Variants in MTMR3 observed in about 807,000 individuals in gnomAD.
MTMR3 encodes phosphatidylinositol-3,5-bisphosphate 3-phosphatase MTMR3.
MTMR3 carries 32 observed loss-of-function variants against 132.4 expected under a neutral mutation model. The observed-to-expected ratio is 0.24, with a 90% CI of 0.18 to 0.32. MTMR3 has a LOEUF of 0.32. MTMR3 is among the 10% of genes least tolerant of loss of function. MTMR3 has a pLI of 1.00. For missense variants in MTMR3, 1,216 were observed against 1,489.6 expected (o/e 0.82, Z 3.02); for synonymous variants, 556 against 550.3 (o/e 1.01, Z -0.14).
chr22:29,916,028 A>G (rs2065301318), intron 1 of MTMR3, among the ~76,000 whole-genome samples: 1 of 151,444 alleles, frequency 6.6e-6, no homozygotes, highest in African/African-American at 2.4e-5. Context: ...TTATGTCTCC[A>G]TTTTCCTATC....
At chr22:29,975,019 A>G (rs1269331138) in intron 3 of MTMR3, among the ~76,000 whole-genome samples, 1 of 151,950 alleles carries the variant, frequency 6.6e-6, no homozygotes, top group Non-Finnish European at 1.5e-5. Flanking sequence ...CGGGTTGGAG[A>G]GCAGTGGTGC....
Position 30,020,084 on chromosome 22 carries a change from G to A in MTMR3, c.2425G>A (p.Val809Ile). The A allele has an allele frequency of 5.6e-6, 9 of 1,614,218 alleles. No homozygotes were observed. Among genetic ancestry groups the A allele is most frequent in the Non-Finnish European group, 6.8e-6 (8 of 1,180,022 alleles). Reference protein sequence around the residue: ...EEIAEGREEAVLPIPVDAKVG... With the variant: ...EEIAEGREEAILPIPVDAKVG... The stretch of plus-strand genomic sequence containing the variant: ...GATTGCAGAGGGTAGGGAGGAAGCA[G>A]TTCTTCCAATCCCAGTAGATGCAAA... The change falls in exon 17 of 20, where the codon GTT (valine) becomes ATT (isoleucine). Residue 809 changes from valine to isoleucine, a missense_variant. By Grantham distance (29) the Val-to-Ile change is conservative (BLOSUM62 3). Around this residue, in one of 7 missense-constraint regions of MTMR3, gnomAD observed 852 missense variants for 852.0 expected, o/e 1.00. Transcript: ENST00000401950.
chr22:30,008,112 T>C, intron 11 of MTMR3, 80 bp downstream of exon 11: 1 of 1,552,412 alleles, frequency 6.4e-7, no homozygotes, highest in South Asian at 1.2e-5. Context: ...AGTTCCCAAT[T>C]TGAAATAAGT....
At position 30,029,673 on chromosome 22, in the gene MTMR3, A is replaced by C. The variant is rs1184640105; in HGVS notation, c.*3872A>C. 6.6e-6 allele frequency: 1 copy of C among 152,382 alleles called. No individual in the cohort carries two copies. The highest frequency in any genetic ancestry group is 1.5e-5 in the Non-Finnish European group (1 of 68,048). The allele number at this position is 152,382 out of a possible 1,614,324, so 9.4% of individuals were successfully genotyped here. On this transcript the variant is annotated 3_prime_UTR_variant, in exon 20 of 20. Transcript: ENST00000401950. ...TTTGAAGGTGCTGTTGCAGGATTTC[A>C]TTTAGCTGCTGCCAGTTCAAGTGAC... is the stretch of plus-strand genomic sequence containing the variant.
At chr22:29,894,360 C>T (rs1163835534) in intron 1 of MTMR3, among the ~76,000 whole-genome samples, 1 of 152,118 alleles carries the variant, frequency 6.6e-6, no homozygotes, top group Non-Finnish European at 1.5e-5. Flanking sequence ...GATTTGATCA[C>T]AATTAAACCC....
At chr22:29,953,764 C>A (rs1302300509) in intron 1 of MTMR3, among the ~76,000 whole-genome samples, 1 of 152,166 alleles carries the variant, frequency 6.6e-6, no homozygotes, top group Non-Finnish European at 1.5e-5. Flanking sequence ...TTATACCCCT[C>A]TTGGAGATGG....
chr22:29,945,279 A>G (rs112278976), intron 1 of MTMR3, among the ~76,000 whole-genome samples: 6,602 of 152,288 alleles, frequency 0.043, 480 homozygotes, highest in African/African-American at 0.15. Context: ...TGGTGGAATT[A>G]CAGTTGTGAG....
intron 7 of MTMR3, chr22:29,994,038 C>T: frequency 2.3e-6 from 2 of 853,280 alleles, no homozygotes; most frequent in Non-Finnish European, 2.8e-6. Flanking sequence ...CATTCATGCT[C>T]TTCCTGCCCA....
chr22:30,019,454 A>G (rs762698919), intron 16 of MTMR3, 26 bp from the exon 17 acceptor site: 2 of 1,568,148 alleles, frequency 1.3e-6, no homozygotes, highest in African/African-American at 1.4e-5. Flanking sequence ...CAAGATTTTC[A>G]TTTCCCCCAA....
At chr22:29,950,073 C>G (rs1250077337) in intron 1 of MTMR3, among the ~76,000 whole-genome samples, 1 of 152,116 alleles carries the variant, frequency 6.6e-6, no homozygotes, top group Non-Finnish European at 1.5e-5. Flanking sequence ...GTTAATTTCC[C>G]AAAGGTAGAC....
chr22:29,941,776 A>G (rs1602523211), intron 1 of MTMR3, among the ~76,000 whole-genome samples: 1 of 152,224 alleles, frequency 6.6e-6, no homozygotes, highest in Non-Finnish European at 1.5e-5. Flanking sequence ...ATTTATTACC[A>G]TCTTAACCAT....
chr22:29,888,022 GT>G (rs1335488988), intron 1 of MTMR3, among the ~76,000 whole-genome samples: 23 of 143,072 alleles, frequency 1.6e-4, no homozygotes, highest in Admixed American at 1.4e-4. Flanking sequence ...GTTTTGTTTT[GT>G]TTTTTTTTTT....
chr22:29,991,869 A>C (rs112576404), intron 7 of MTMR3, 199 bp downstream of exon 7: 26 of 480,262 alleles, frequency 5.4e-5, no homozygotes, highest in African/African-American at 5.2e-4. Flanking sequence ...GAACACTAGA[A>C]GGCATCACAA....
chr22:29,930,546 GCTGA>G (rs1464649607), intron 1 of MTMR3, among the ~76,000 whole-genome samples: 2 of 152,048 alleles, frequency 1.3e-5, no homozygotes, highest in East Asian at 3.9e-4. Context: ...CAAAAAGTTA[GCTGA>G]GCGTGGTGGC....
At chr22:29,978,348 C>G (rs1476978122) in intron 3 of MTMR3, 94 bp from the exon 4 acceptor site, 2 of 927,616 alleles carry the variant, frequency 2.2e-6, no homozygotes, top group Non-Finnish European at 3.3e-6. Flanking sequence ...GGTCTTTGTA[C>G]TTTCATTGTG....
chr22:29,904,338 A>G (rs1263188636), intron 1 of MTMR3, among the ~76,000 whole-genome samples: 1 of 152,212 alleles, frequency 6.6e-6, no homozygotes, highest in African/African-American at 2.4e-5. Context: ...GTCAGGACTT[A>G]CCTGAGGTTG....
chr22:29,890,574 G>T (rs1276637163), intron 1 of MTMR3, among the ~76,000 whole-genome samples: 2 of 152,006 alleles, frequency 1.3e-5, no homozygotes, highest in Admixed American at 6.6e-5. Context: ...TTTAAATTTA[G>T]ATATACTCAA....
intron 14 of MTMR3, chr22:30,014,740 TC>T (rs1685895976): frequency 6.6e-6 from 1 of 151,188 alleles, no homozygotes; most frequent in Non-Finnish European, 1.5e-5. Flanking sequence ...GTCTCAAACC[TC>T]CTGGCAAGTG....
intron 10 of MTMR3, 28 bp from the exon 11 acceptor site, chr22:30,007,873 A>T (rs773286843): frequency 6.2e-7 from 1 of 1,612,274 alleles, no homozygotes; most frequent in Non-Finnish European, 8.5e-7. Flanking sequence ...AGGCTCATTT[A>T]GTATGCCCTC....
Sources: gnomAD v4.1 joint callset for allele counts (sites outside exome capture counted in the v4.1 genomes callset) on GRCh38, gnomAD v4.1.1 for gene constraint, gnomAD v4.1.1 regional missense constraint, MANE v1.5 for transcripts, NCBI Gene and HGNC (gene_info 2026-07-23, HGNC 2026-07-21) for gene names.